The following ZBTB20 variants were observed in gnomAD, a reference collection of about 807,000 sequenced individuals.
ZBTB20 encodes the protein zinc finger and BTB domain-containing protein 20.
In ZBTB20, 9 loss-of-function variants were observed where a neutral mutation model predicts 56.9. That is an observed-to-expected ratio of 0.16 (90% CI 0.10 to 0.28). ZBTB20 has a LOEUF of 0.28. ZBTB20 is among the 10% of genes least tolerant of loss of function. ZBTB20 has a pLI of 1.00. For synonymous variants in ZBTB20, 417 were observed against 420.7 expected (o/e 0.99, Z 0.11); for missense variants, 655 against 1,003.0 (o/e 0.65, Z 4.69).
At chr3:115,005,506 A>G (rs2079427750) in intron 2 of ZBTB20, among the ~76,000 whole-genome samples, 1 of 151,868 alleles carries the variant, frequency 6.6e-6, no homozygotes, top group African/African-American at 2.4e-5. Context: ...GTTATTTGTA[A>G]AGAACTGAGA....
At chr3:114,922,175 G>A (rs969840084) in intron 3 of ZBTB20, among the ~76,000 whole-genome samples, 9 of 152,138 alleles carry the variant, frequency 5.9e-5, no homozygotes, top group East Asian at 1.9e-4. Flanking sequence ...CAGAAGGAAC[G>A]TACCTCAACA....
rs377452527 is a variant in ZBTB20 at position 114,550,139 on chromosome 3, C to T, written c.-294-49748G>A. Among the ~76,000 whole-genome samples the T allele has an allele frequency of 1.8e-4, 28 of 152,182 alleles. 1 individual carries two copies. The highest frequency in any genetic ancestry group is 6.3e-4 in the African/African-American group (26 of 41,520). Reference sequence around the variant, plus strand: ...ATTTTTAGTAGAGATGGGGTTTCACCGTGTTAGCCAGGATGGTCTCAATCT... The same window carrying T: ...ATTTTTAGTAGAGATGGGGTTTCACTGTGTTAGCCAGGATGGTCTCAATCT... On this transcript the variant is annotated intron_variant, in intron 6 of 11. Coordinates refer to ENST00000675478, the MANE Select transcript of ZBTB20 (RefSeq NM_001348800.3).
At chr3:114,759,797 T>C (rs993162043) in intron 5 of ZBTB20, among the ~76,000 whole-genome samples, 1 of 152,144 alleles carries the variant, frequency 6.6e-6, no homozygotes, top group Admixed American at 6.6e-5. Context: ...TGCTACACAC[T>C]GTATTAAATG....
intron 6 of ZBTB20, among the ~76,000 whole-genome samples, chr3:114,675,634 C>A (rs1006419170): frequency 6.6e-6 from 1 of 152,090 alleles, no homozygotes; most frequent in South Asian, 2.1e-4. Context: ...TATTCTGTTA[C>A]TGAATTTCTT....
chr3:114,930,093 TAAACAAAC>T (rs572805198), intron 3 of ZBTB20, among the ~76,000 whole-genome samples: 2 of 152,058 alleles, frequency 1.3e-5, no homozygotes, highest in East Asian at 1.9e-4. Flanking sequence ...GCCTTCCATT[TAAACAAAC>T]AAACAAACAA....
At chr3:114,452,207 G>C (rs978532217) in intron 7 of ZBTB20, among the ~76,000 whole-genome samples, 8 of 152,064 alleles carry the variant, frequency 5.3e-5, no homozygotes, top group African/African-American at 1.9e-4. Flanking sequence ...AACAACTCTT[G>C]TCTTCAATAT....
At chr3:115,022,574 T>C (rs1460132146) in intron 2 of ZBTB20, among the ~76,000 whole-genome samples, 1 of 151,108 alleles carries the variant, frequency 6.6e-6, no homozygotes, top group Non-Finnish European at 1.5e-5. Flanking sequence ...AAACCTGGCC[T>C]GTATAGTTAT....
intron 2 of ZBTB20, among the ~76,000 whole-genome samples, chr3:115,012,512 A>G (rs375898916): frequency 6.6e-6 from 1 of 151,690 alleles, no homozygotes; most frequent in Admixed American, 6.6e-5. Context: ...GATTGAGCAC[A>G]AGGATATAAC....
chr3:115,105,890 T>C (rs1483186518), intron 1 of ZBTB20, among the ~76,000 whole-genome samples: 1 of 152,118 alleles, frequency 6.6e-6, no homozygotes, highest in Non-Finnish European at 1.5e-5. Flanking sequence ...CAATCTCGGC[T>C]CACTGCAATC....
rs140063584 is a variant in ZBTB20, at chr3:114,411,760, T to C, written c.-254-22655A>G. 4.9e-4 allele frequency among the ~76,000 whole-genome samples: 74 copies of C among 152,208 alleles called. No homozygotes were observed. The East Asian group carries it at 0.01, about 21-fold the overall frequency. ...GGTACAGAAAGATGTAAGGTACAGATGCTACTGAGTTTGTTAAAATAATAT... is the reference window on the plus strand; with the variant it reads ...GGTACAGAAAGATGTAAGGTACAGACGCTACTGAGTTTGTTAAAATAATAT... On this transcript the variant is annotated intron_variant, in intron 7 of 11. Transcript: ENST00000675478.
At chr3:115,046,856 T>C (rs1257637208) in intron 2 of ZBTB20, among the ~76,000 whole-genome samples, 1 of 152,110 alleles carries the variant, frequency 6.6e-6, no homozygotes, top group Non-Finnish European at 1.5e-5. Context: ...AAATATCTAT[T>C]ATAGAGTATG....
rs540569996 is a variant in ZBTB20 at position 114,548,282 on chromosome 3, C to A, written c.-294-47891G>T. 3.3e-5 allele frequency among the ~76,000 whole-genome samples: 5 copies of A among 152,290 alleles called. No individual in the cohort carries two copies. In the South Asian group the frequency reaches 1.0e-3, roughly 32 times the overall value. ...AACAAAGCACCATGTAGATATCCAA[C>A]TGAAGTGGGCTCTGTTCATCCTCAA... On this transcript the variant is annotated intron_variant, in intron 6 of 11. Transcript: ENST00000675478.
chr3:114,374,716 C>T (rs2083415072), intron 10 of ZBTB20, among the ~76,000 whole-genome samples: 1 of 152,162 alleles, frequency 6.6e-6, no homozygotes, highest in African/African-American at 2.4e-5. Context: ...GCATTTGAAT[C>T]CAAATGAAGC....
intron 2 of ZBTB20, among the ~76,000 whole-genome samples, chr3:115,044,414 C>T (rs888883833): frequency 2.0e-5 from 3 of 152,156 alleles, no homozygotes; most frequent in African/African-American, 7.2e-5. Context: ...TTCAGACCTC[C>T]AATGAGAAGG....
intron 4 of ZBTB20, among the ~76,000 whole-genome samples, chr3:114,858,352 A>C (rs1576130228): frequency 6.6e-6 from 1 of 152,198 alleles, no homozygotes; most frequent in South Asian, 2.1e-4. Flanking sequence ...CATCAACTAC[A>C]CAAAGAAGTA....
intron 5 of ZBTB20, among the ~76,000 whole-genome samples, chr3:114,726,911 C>CAA (rs35565597): frequency 0.1 from 5,137 of 49,302 alleles, 1,866 homozygotes; most frequent in African/African-American, 0.15. Context: ...GACTCCATCA[C>CAA]AAAAAAAAAA....
chr3:114,778,571 A>T (rs2069817235), intron 5 of ZBTB20, among the ~76,000 whole-genome samples: 2 of 152,146 alleles, frequency 1.3e-5, no homozygotes, highest in Admixed American at 6.6e-5. Flanking sequence ...AATCTTCGTA[A>T]TCACCATGAA....
At chr3:114,976,821 G>A (rs11924916) in intron 2 of ZBTB20, among the ~76,000 whole-genome samples, 21,294 of 151,790 alleles carry the variant, frequency 0.14, 3,430 homozygotes, top group African/African-American at 0.4. Flanking sequence ...TTTTCCTTAA[G>A]GTTCCTTAAA....
At chr3:114,908,351 G>C (rs2075397268) in intron 3 of ZBTB20, among the ~76,000 whole-genome samples, 1 of 151,972 alleles carries the variant, frequency 6.6e-6, no homozygotes, top group African/African-American at 2.4e-5. Flanking sequence ...TAGAGCTAGG[G>C]TATTTGGCAT....
Sources: allele counts gnomAD v4.1 joint callset (sites outside exome capture counted in the v4.1 genomes callset), GRCh38; gene constraint gnomAD v4.1.1; transcripts MANE v1.5; gene names NCBI Gene and HGNC (gene_info 2026-07-23, HGNC 2026-07-21).